The following GPR158 variants were observed in gnomAD, a reference collection of about 807,000 sequenced individuals.
GPR158 encodes metabotropic glycine receptor.
In GPR158, 30 loss-of-function variants were observed where a neutral mutation model predicts 78.2. The ratio of observed to expected loss-of-function variants is 0.38; its 90% confidence interval spans 0.29 to 0.52. The LOEUF (loss-of-function observed/expected upper bound fraction) is 0.52, where lower values mean the gene tolerates loss of function less well. GPR158 is among the 20% of genes least tolerant of loss of function. The pLI, the probability that GPR158 is intolerant of heterozygous loss-of-function variation, is 0.83. For missense variants in GPR158, 1,463 were observed against 1,523.5 expected, an observed-to-expected ratio of 0.96 and a Z score of 0.66; for synonymous variants, 581 against 591.1, an observed-to-expected ratio of 0.98 and a Z score of 0.25.
chr10:25,275,412 T>C (rs1387310361), intron 2 of GPR158, among the ~76,000 whole-genome samples: 1 of 152,210 alleles, frequency 6.6e-6, no homozygotes, highest in Non-Finnish European at 1.5e-5. Context: ...TGTCTTCCCA[T>C]GGAACTCTTT....
chr10:25,367,903 T>C (rs1311313007), intron 2 of GPR158, among the ~76,000 whole-genome samples: 1 of 151,824 alleles, frequency 6.6e-6, no homozygotes, highest in African/African-American at 2.4e-5. Flanking sequence ...CAATGCCCCA[T>C]ACATATACTG....
At chr10:25,481,937 G>A (rs975460845) in intron 5 of GPR158, among the ~76,000 whole-genome samples, 58 of 152,166 alleles carry the variant, frequency 3.8e-4, no homozygotes, top group Non-Finnish European at 1.2e-4. Flanking sequence ...CTGGGCGGAG[G>A]GGAACAGACT....
At chr10:25,388,367 C>A (rs1834249873) in intron 2 of GPR158, among the ~76,000 whole-genome samples, 1 of 152,178 alleles carries the variant, frequency 6.6e-6, no homozygotes, top group Admixed American at 6.5e-5. Context: ...CACACCACCC[C>A]CACCCTTGCA....
intron 2 of GPR158, among the ~76,000 whole-genome samples, chr10:25,375,466 C>CTT (rs34150156): frequency 1.3e-5 from 1 of 79,454 alleles, no homozygotes; most frequent in Admixed American, 1.0e-4. Flanking sequence ...ATGTTTTTCT[C>CTT]TTTTTTTTCT....
intron 2 of GPR158, among the ~76,000 whole-genome samples, chr10:25,315,730 A>G (rs1421715784): frequency 1.1e-4 from 11 of 101,266 alleles, no homozygotes; most frequent in African/African-American, 8.4e-4. Flanking sequence ...AAAACTTTAA[A>G]GTTTTAAAGT....
At chr10:25,380,088 T>C (rs1034521836) in intron 2 of GPR158, among the ~76,000 whole-genome samples, 45 of 152,290 alleles carry the variant, frequency 3.0e-4, no homozygotes, top group Admixed American at 1.4e-3. Context: ...GTTCTTTTTT[T>C]CCCTCATTTC....
chr10:25,381,870 T>A (rs1255737208), intron 2 of GPR158, among the ~76,000 whole-genome samples: 3 of 152,228 alleles, frequency 2.0e-5, no homozygotes, highest in Admixed American at 2.0e-4. Context: ...AGTTTTTTAT[T>A]GTAAACAGGG....
intron 2 of GPR158, among the ~76,000 whole-genome samples, chr10:25,247,062 G>T (rs1853701879): frequency 6.6e-6 from 1 of 152,184 alleles, no homozygotes; most frequent in African/African-American, 2.4e-5. Flanking sequence ...TGTAACAACA[G>T]TTGTACCAGA....
intron 2 of GPR158, among the ~76,000 whole-genome samples, chr10:25,313,056 T>A (rs1411597997): frequency 6.6e-6 from 1 of 151,954 alleles, no homozygotes; most frequent in African/African-American, 2.4e-5. Context: ...AAACACAGAT[T>A]ATTAATATAT....
rs139767228 is a variant in GPR158, at chr10:25,237,059, G to A, written c.1008+15902G>A. Reference sequence around the variant, plus strand: ...TATCAATTAATAATCCGGAGTGATCGATTGCTAATGCAAGAGTAGCTTGAG... The same window carrying A: ...TATCAATTAATAATCCGGAGTGATCAATTGCTAATGCAAGAGTAGCTTGAG... On this transcript the variant is annotated intron_variant, in intron 2 of 10. Transcript: ENST00000376351. Among the ~76,000 whole-genome samples, 1,129 of 152,278 alleles carry A rather than the reference G, an allele frequency of 7.4e-3. 13 individuals are homozygous for A. Among genetic ancestry groups the A allele is most frequent in the African/African-American group, 0.025 (1,036 of 41,556 alleles).
At chr10:25,280,568 G>A (rs770926361) in intron 2 of GPR158, among the ~76,000 whole-genome samples, 13 of 152,162 alleles carry the variant, frequency 8.5e-5, no homozygotes, top group Non-Finnish European at 8.8e-5. Flanking sequence ...TAAGGAAACA[G>A]AAGATTAACC....
chr10:25,379,748 C>T (rs753730378), intron 2 of GPR158, among the ~76,000 whole-genome samples: 2 of 145,168 alleles, frequency 1.4e-5, no homozygotes, highest in Non-Finnish European at 3.0e-5. Context: ...CTTCTCATGC[C>T]TGTGAGAGTG....
chr10:25,456,472 C>T (rs1314696200), intron 4 of GPR158, among the ~76,000 whole-genome samples: 3 of 152,128 alleles, frequency 2.0e-5, no homozygotes, highest in Non-Finnish European at 2.9e-5. Flanking sequence ...AATTCTCTTC[C>T]TATTACGACA....
At chr10:25,490,495 A>G (rs1215078321) in intron 5 of GPR158, among the ~76,000 whole-genome samples, 2 of 113,498 alleles carry the variant, frequency 1.8e-5, no homozygotes, top group East Asian at 2.8e-4. Context: ...TCCTGTGTCC[A>G]TGTGATCTCA....
Position 25,281,007 on chromosome 10 carries a change from C to T in GPR158, c.1008+59850C>T, listed in dbSNP as rs140222842. 3.6e-3 allele frequency among the ~76,000 whole-genome samples: 542 copies of T among 151,648 alleles called. 3 individuals carry two copies. The highest frequency in any genetic ancestry group is 0.013 in the African/African-American group (527 of 41,368). ...AAAATTAGCCGGGCATGGTGGTATG[C>T]GCCTGTAATCTCAGATACTGGAGAG... On this transcript the variant is annotated intron_variant, in intron 2 of 10. Coordinates refer to ENST00000376351, the MANE Select transcript of GPR158 (RefSeq NM_020752.3).
At chr10:25,372,093 A>G (rs1403041170) in intron 2 of GPR158, among the ~76,000 whole-genome samples, 3 of 51,416 alleles carry the variant, frequency 5.8e-5, no homozygotes, top group African/African-American at 1.7e-4. Context: ...GCAGCCAAAA[A>G]ACACATGAAA....
At chr10:25,565,326 G>T (rs1447761550) in intron 6 of GPR158, among the ~76,000 whole-genome samples, 1 of 152,120 alleles carries the variant, frequency 6.6e-6, no homozygotes, top group Non-Finnish European at 1.5e-5. Context: ...AAATTTTGTG[G>T]CCTGGGACTA....
intron 5 of GPR158, among the ~76,000 whole-genome samples, chr10:25,532,403 G>T (rs1248944441): frequency 6.6e-6 from 1 of 152,080 alleles, no homozygotes; most frequent in Non-Finnish European, 1.5e-5. Context: ...ATTCTATATT[G>T]TGTCTCATCA....
chr10:25,499,271 G>A (rs1223058753), intron 5 of GPR158, among the ~76,000 whole-genome samples: 1 of 152,162 alleles, frequency 6.6e-6, no homozygotes, highest in African/African-American at 2.4e-5. Flanking sequence ...TTCAGTGAGA[G>A]GACAATTTAC....
Sources: allele counts gnomAD v4.1 joint callset (sites outside exome capture counted in the v4.1 genomes callset), GRCh38; gene constraint gnomAD v4.1.1; transcripts MANE v1.5; gene names NCBI Gene and HGNC (gene_info 2026-07-23, HGNC 2026-07-21).